GALNT14: variants seen among roughly 807,000 people sequenced by gnomAD.
GALNT14 encodes the protein UDP-GalNAc:polypeptide N-acetylgalactosaminyltransferase 14.
In GALNT14, 60 loss-of-function variants were observed where a neutral mutation model predicts 77.5. The observed-to-expected ratio is 0.77, with a 90% CI of 0.63 to 0.96. The LOEUF is 0.96. Among genes scored for constraint, GALNT14 ranks in the 40% least tolerant of loss-of-function variants. The probability of loss-of-function intolerance (pLI) is 0.00; values close to 1 mark genes in which losing one functional copy is unlikely to be tolerated. For missense variants in GALNT14, 710 were observed against 731.0 expected (o/e 0.97, Z 0.33); for synonymous variants, 280 against 281.7 (o/e 0.99, Z 0.06).
At chr2:31,133,516 G>A (rs1679085506) in intron 1 of GALNT14, among the ~76,000 whole-genome samples, 1 of 152,156 alleles carries the variant, frequency 6.6e-6, no homozygotes, top group African/African-American at 2.4e-5. Context: ...ACTTACATGG[G>A]CCAGAGGCAT....
intron 1 of GALNT14, among the ~76,000 whole-genome samples, chr2:30,995,819 T>A (rs1389685531): frequency 6.6e-6 from 1 of 152,148 alleles, no homozygotes; most frequent in African/African-American, 2.4e-5. Flanking sequence ...ATATGATCTT[T>A]TATATATATA....
At chr2:31,069,749 C>A (rs1367147632) in intron 1 of GALNT14, among the ~76,000 whole-genome samples, 1 of 152,128 alleles carries the variant, frequency 6.6e-6, no homozygotes, top group Non-Finnish European at 1.5e-5. Flanking sequence ...CTTTTTCTTC[C>A]CAAGAGGCCT....
rs139639625 is a variant in GALNT14 at position 31,109,373 on chromosome 2, T to C, written c.129+28585A>G. On this transcript the variant is annotated intron_variant, in intron 1 of 14. Transcript: ENST00000349752. ...ACAGATAACAGAAGGAAGCCACCCA[T>C]TGAGTTGGAAAATGCCTCATCCCTT... Among the ~76,000 whole-genome samples the C allele has an allele frequency of 2.4e-3, 373 of 152,260 alleles. 2 individuals are homozygous for C. Among genetic ancestry groups the C allele is most frequent in the Middle Eastern group, 0.01 (3 of 294 alleles).
intron 13 of GALNT14, among the ~76,000 whole-genome samples, chr2:30,918,339 C>T (rs988983164): frequency 6.6e-6 from 1 of 152,256 alleles, no homozygotes; most frequent in East Asian, 1.9e-4. Flanking sequence ...AGTTACTCAA[C>T]TCTGTACCAC....
intron 13 of GALNT14, among the ~76,000 whole-genome samples, chr2:30,923,837 C>T (rs35064856): frequency 2.2e-3 from 340 of 152,328 alleles, no homozygotes; most frequent in African/African-American, 6.7e-3. Flanking sequence ...AGGACACCAA[C>T]TACAACAAAC....
intron 1 of GALNT14, among the ~76,000 whole-genome samples, chr2:31,077,522 A>T (rs904628785): frequency 1.3e-5 from 2 of 151,984 alleles, no homozygotes; most frequent in African/African-American, 4.8e-5. Flanking sequence ...GCTGCTACAA[A>T]CCTCCAAAGA....
intron 1 of GALNT14, among the ~76,000 whole-genome samples, chr2:31,133,678 C>T (rs1679090839): frequency 6.6e-6 from 1 of 152,118 alleles, no homozygotes; most frequent in Admixed American, 6.5e-5. Flanking sequence ...AAATTTTAGT[C>T]AGTTATTGTA....
chr2:31,135,272 C>T (rs1285177061), intron 1 of GALNT14, among the ~76,000 whole-genome samples: 1 of 152,164 alleles, frequency 6.6e-6, no homozygotes. Flanking sequence ...CTGTAGTAAG[C>T]CCAAAAATCT....
chr2:31,072,493 T>C (rs550478465), intron 1 of GALNT14, among the ~76,000 whole-genome samples: 28 of 152,162 alleles, frequency 1.8e-4, no homozygotes, highest in African/African-American at 6.5e-4. Flanking sequence ...TCATTTCCTT[T>C]CTGTTTCACA....
At chr2:31,050,034 C>T (rs1217156674) in intron 1 of GALNT14, among the ~76,000 whole-genome samples, 2 of 152,058 alleles carry the variant, frequency 1.3e-5, no homozygotes, top group Non-Finnish European at 2.9e-5. Flanking sequence ...TTCCCAGATT[C>T]TCTGACCACA....
chr2:31,050,283 T>C (rs181007324), intron 1 of GALNT14, among the ~76,000 whole-genome samples: 203 of 152,308 alleles, frequency 1.3e-3, no homozygotes, highest in African/African-American at 4.7e-3. Flanking sequence ...AACAACTTGA[T>C]CCCATTAGTT....
chr2:31,008,889 G>A (rs556730051), intron 1 of GALNT14, among the ~76,000 whole-genome samples: 41 of 152,282 alleles, frequency 2.7e-4, no homozygotes, highest in African/African-American at 5.3e-4. Context: ...ACGGGTGGCC[G>A]GGGACCATGT....
At chr2:31,057,147 AG>A (rs1392693711) in intron 1 of GALNT14, among the ~76,000 whole-genome samples, 1 of 151,858 alleles carries the variant, frequency 6.6e-6, no homozygotes, top group Non-Finnish European at 1.5e-5. Context: ...AGAAGGAGGG[AG>A]GGGACAAGGG....
chr2:30,958,363 C>T (rs866391029), intron 4 of GALNT14, 34 bp downstream of exon 4: 7 of 1,580,520 alleles, frequency 4.4e-6, no homozygotes, highest in Non-Finnish European at 4.3e-6. Flanking sequence ...AACAGACATT[C>T]GTGTCTAAAG....
chr2:30,897,585 G>A, the GALNT14 span, among the ~76,000 whole-genome samples: 1 of 152,196 alleles, frequency 6.6e-6, no homozygotes, highest in South Asian at 2.1e-4. Flanking sequence ...GAGAAGAAGG[G>A]AGCTTCTGGG....
At chr2:31,045,334 C>T (rs1258430871) in intron 1 of GALNT14, among the ~76,000 whole-genome samples, 5 of 152,226 alleles carry the variant, frequency 3.3e-5, no homozygotes, top group Non-Finnish European at 7.3e-5. Flanking sequence ...AACATCCACA[C>T]ACTGAGGTGT....
At chr2:30,982,302 G>A (rs2194462) in intron 2 of GALNT14, among the ~76,000 whole-genome samples, 108,608 of 152,050 alleles carry the variant, frequency 0.71, 39,620 homozygotes, top group African/African-American at 0.86. Flanking sequence ...GATATCTACA[G>A]AAGCTTCTAG....
chr2:31,040,338 A>G (rs1256227295), intron 1 of GALNT14, among the ~76,000 whole-genome samples: 1 of 152,164 alleles, frequency 6.6e-6, no homozygotes, highest in Non-Finnish European at 1.5e-5. Flanking sequence ...GTTATTATCA[A>G]CTTGTCTGGC....
intron 1 of GALNT14, among the ~76,000 whole-genome samples, chr2:31,071,725 T>C (rs897591975): frequency 1.3e-5 from 2 of 152,232 alleles, no homozygotes; most frequent in Admixed American, 1.3e-4. Flanking sequence ...CCTGCCTGCC[T>C]CTGGATTCTG....
Sources: allele counts gnomAD v4.1 joint callset (sites outside exome capture counted in the v4.1 genomes callset), GRCh38; gene constraint gnomAD v4.1.1; transcripts MANE v1.5; gene names NCBI Gene and HGNC (gene_info 2026-07-23, HGNC 2026-07-21).